PHF21B: variants seen among roughly 807,000 people sequenced by gnomAD.
PHF21B encodes the protein PHD finger protein 4.
Under a neutral mutation model 62.2 loss-of-function variants are expected in PHF21B, and 22 were observed. The ratio of observed to expected loss-of-function variants is 0.35; its 90% CI spans 0.25 to 0.51. The LOEUF (loss-of-function observed/expected upper bound fraction) is 0.51, where lower values mean the gene tolerates loss of function less well. Among genes scored for constraint, PHF21B ranks in the 20% least tolerant of loss-of-function variants. The pLI is 0.97. For missense variants in PHF21B, 701 were observed against 707.9 expected (o/e 0.99, Z 0.11); for synonymous variants, 341 against 314.7 (o/e 1.08, Z -0.88).
chr22:45,002,689 T>C (rs2073241848), intron 2 of PHF21B, among the ~76,000 whole-genome samples: 2 of 152,204 alleles, frequency 1.3e-5, no homozygotes. Context: ...CCTACACACA[T>C]CTTCCTGCCT....
At chr22:44,919,319 C>G (rs1014152553) in intron 3 of PHF21B, among the ~76,000 whole-genome samples, 1 of 152,248 alleles carries the variant, frequency 6.6e-6, no homozygotes, top group African/African-American at 2.4e-5. Flanking sequence ...GCTTCGAATG[C>G]GGCTCAACAC....
chr22:44,972,767 C>T (rs2072663770), intron 2 of PHF21B, among the ~76,000 whole-genome samples: 1 of 152,228 alleles, frequency 6.6e-6, no homozygotes, highest in African/African-American at 2.4e-5. Flanking sequence ...AGGATTCTGC[C>T]CCTCTCCCTG....
chr22:44,999,358 C>T (rs2073172830), intron 2 of PHF21B, among the ~76,000 whole-genome samples: 1 of 152,140 alleles, frequency 6.6e-6, no homozygotes, highest in Admixed American at 6.5e-5. Flanking sequence ...AGGAAACCCC[C>T]CAGCTGCGAA....
At chr22:45,004,375 G>A (rs947309436) in intron 2 of PHF21B, among the ~76,000 whole-genome samples, 1 of 152,048 alleles carries the variant, frequency 6.6e-6, no homozygotes, top group South Asian at 2.1e-4. Context: ...AACTCCAGCT[G>A]TGTGTGTGGG....
intron 2 of PHF21B, among the ~76,000 whole-genome samples, chr22:44,936,856 C>T (rs750691943): frequency 4.9e-5 from 7 of 143,298 alleles, no homozygotes; most frequent in African/African-American, 1.0e-4. Flanking sequence ...AAGTTGTGGA[C>T]ATCCACTTTC....
At chr22:44,945,545 C>T (rs1189147068) in intron 2 of PHF21B, among the ~76,000 whole-genome samples, 4 of 152,162 alleles carry the variant, frequency 2.6e-5, no homozygotes, top group African/African-American at 9.7e-5. Flanking sequence ...GTTTCCCTGG[C>T]TCCAGCCCCA....
chr22:44,949,116 A>G (rs1051684953), intron 2 of PHF21B, among the ~76,000 whole-genome samples: 2 of 152,154 alleles, frequency 1.3e-5, no homozygotes, highest in Admixed American at 1.3e-4. Context: ...AGCCTGACCA[A>G]CATGGAGAAA....
At chr22:44,938,143 C>T (rs1229123342) in intron 2 of PHF21B, among the ~76,000 whole-genome samples, 2 of 152,230 alleles carry the variant, frequency 1.3e-5, no homozygotes, top group Admixed American at 6.5e-5. Context: ...ACCTCGATCT[C>T]GGCTCACTGC....
intron 2 of PHF21B, chr22:44,933,338 C>T (rs989450038): frequency 8.3e-5 from 41 of 496,308 alleles, no homozygotes; most frequent in African/African-American, 8.4e-5. Context: ...CTCGAACTCC[C>T]GCCATCAGGG....
intron 2 of PHF21B, among the ~76,000 whole-genome samples, chr22:44,990,910 G>C (rs551280757): frequency 6.6e-6 from 1 of 152,328 alleles, no homozygotes; most frequent in African/African-American, 2.4e-5. Flanking sequence ...AAAAAGGCAG[G>C]AGTCGCTAAC....
intron 6 of PHF21B, among the ~76,000 whole-genome samples, chr22:44,894,747 C>G (rs1459507234): frequency 1.1e-4 from 17 of 152,160 alleles, no homozygotes; most frequent in Admixed American, 9.8e-4. Context: ...CTGGCTCTCC[C>G]CATCCTGGCT....
chr22:44,906,939 C>T (rs1474988252), intron 5 of PHF21B, among the ~76,000 whole-genome samples: 1 of 150,718 alleles, frequency 6.6e-6, no homozygotes, highest in Non-Finnish European at 1.5e-5. Context: ...GACTCAGTGG[C>T]GATCAGCGTG....
At chr22:44,965,670 T>A (rs1477898819) in intron 2 of PHF21B, among the ~76,000 whole-genome samples, 1 of 152,074 alleles carries the variant, frequency 6.6e-6, no homozygotes, top group Non-Finnish European at 1.5e-5. Context: ...TCCCTCGCCC[T>A]CCAGACCAGA....
At chr22:44,955,245 G>A (rs1340931327) in intron 2 of PHF21B, among the ~76,000 whole-genome samples, 1 of 152,212 alleles carries the variant, frequency 6.6e-6, no homozygotes, top group Non-Finnish European at 1.5e-5. Flanking sequence ...CCACTCCACA[G>A]CTGTGTGACC....
chr22:44,932,828 C>T (rs1406209062), intron 2 of PHF21B, among the ~76,000 whole-genome samples: 1 of 152,254 alleles, frequency 6.6e-6, no homozygotes, highest in Non-Finnish European at 1.5e-5. Context: ...TCCCCAACCC[C>T]TGGCCCTCCA....
At chr22:44,997,632 T>G (rs978204459) in intron 2 of PHF21B, among the ~76,000 whole-genome samples, 1 of 152,208 alleles carries the variant, frequency 6.6e-6, no homozygotes, top group Non-Finnish European at 1.5e-5. Flanking sequence ...GATCATAGTC[T>G]CTAATATGTA....
intron 2 of PHF21B, among the ~76,000 whole-genome samples, chr22:44,933,117 T>C (rs943008382): frequency 1.3e-5 from 2 of 148,292 alleles, no homozygotes; most frequent in African/African-American, 4.9e-5. Flanking sequence ...TTCTATTTCT[T>C]TTTTTTTTTT....
At chr22:44,950,210 T>C (rs2072165105) in intron 2 of PHF21B, among the ~76,000 whole-genome samples, 1 of 152,242 alleles carries the variant, frequency 6.6e-6, no homozygotes, top group Non-Finnish European at 1.5e-5. Context: ...CCTGAACATA[T>C]ATGCACAAAA....
chr22:44,933,546 C>G, intron 2 of PHF21B: 2 of 985,454 alleles, frequency 2.0e-6, no homozygotes, highest in Non-Finnish European at 2.4e-6. Flanking sequence ...AAGTGAGCAT[C>G]AGAACGTGCT....
Sources: gnomAD v4.1 joint callset for allele counts (sites outside exome capture counted in the v4.1 genomes callset) on GRCh38, gnomAD v4.1.1 for gene constraint, MANE v1.5 for transcripts, NCBI Gene and HGNC (gene_info 2026-07-23, HGNC 2026-07-21) for gene names.